The following KDM4A variants were observed in gnomAD, a reference collection of about 807,000 sequenced individuals.
The protein encoded by KDM4A is lysine-specific demethylase 4A.
Under a neutral mutation model 127.1 loss-of-function variants are expected in KDM4A, and 23 were observed. The observed-to-expected ratio is 0.18, with a 90% confidence interval of 0.13 to 0.26. KDM4A has a LOEUF of 0.26. Ranked by LOEUF, KDM4A falls within the 10% of genes least tolerant of loss-of-function variation. KDM4A has a pLI of 1.00. For synonymous variants in KDM4A, 443 were observed against 466.5 expected, an observed-to-expected ratio of 0.95 and a Z score of 0.65; for missense variants, 890 against 1,329.1, an observed-to-expected ratio of 0.67 and a Z score of 5.14.
intron 11 of KDM4A, 140 bp from the exon 12 acceptor site, chr1:43,683,544 G>A (rs1037929249): frequency 4.0e-6 from 4 of 990,716 alleles, no homozygotes; most frequent in Non-Finnish European, 2.9e-6. Flanking sequence ...CTTTTTCTAA[G>A]ATAGGTATTT....
At chr1:43,662,341 G>A (rs1399012298) in intron 4 of KDM4A, among the ~76,000 whole-genome samples, 3 of 152,088 alleles carry the variant, frequency 2.0e-5, no homozygotes, top group South Asian at 2.1e-4. Context: ...CGGGCGCGGT[G>A]GCTCAGGCCT....
At chr1:43,673,462 T>C (rs1660672219) in intron 11 of KDM4A, among the ~76,000 whole-genome samples, 1 of 152,210 alleles carries the variant, frequency 6.6e-6, no homozygotes, top group Non-Finnish European at 1.5e-5. Flanking sequence ...CTCAGTCATA[T>C]TCACATTTCC....
chr1:43,662,249 GT>G (rs1660399998), intron 4 of KDM4A, among the ~76,000 whole-genome samples: 3 of 150,560 alleles, frequency 2.0e-5, no homozygotes, highest in Non-Finnish European at 4.4e-5. Context: ...TGGTCATAGA[GT>G]TTTTTTTCTA....
At chr1:43,692,370 C>T in intron 16 of KDM4A, 59 bp downstream of exon 16, 1 of 1,420,964 alleles carries the variant, frequency 7.0e-7, no homozygotes, top group Non-Finnish European at 9.9e-7. Flanking sequence ...CACACAGTGT[C>T]TTTGTGAGGG....
At position 43,679,931 on chromosome 1, in the gene KDM4A, G is replaced by T. The variant is rs190566148; in HGVS notation, c.1735-3753G>T. Among the ~76,000 whole-genome samples the T allele has an allele frequency of 3.0e-4, 46 of 152,208 alleles. 1 individual carries two copies. In the East Asian group the frequency reaches 7.3e-3, roughly 24 times the overall value. On this transcript the variant is annotated intron_variant, in intron 11 of 21. Coordinates refer to ENST00000372396, the MANE Select transcript of KDM4A (RefSeq NM_014663.3). ...GGGAGTCTGCCTGCTATCCCGCCCT[G>T]TCTGCAAAAAGAGCCCTCTGGGGAA... is the stretch of plus-strand genomic sequence containing the variant.
At chr1:43,667,613 G>A (rs917888758) in intron 8 of KDM4A, among the ~76,000 whole-genome samples, 159 bp from the exon 9 acceptor site, 2 of 152,202 alleles carry the variant, frequency 1.3e-5, no homozygotes, top group South Asian at 4.1e-4. Flanking sequence ...ATGTTTGAAG[G>A]TCCTGCAAGG....
rs778657868 is a variant in KDM4A, at chr1:43,703,981, A to T, written c.2962-39A>T. Reference sequence around the variant, plus strand: ...TGCATGGTGGACCAGGGAAAGAGTCAGGGATATCCTAGCCAAAAGGCCTTT... The same window carrying T: ...TGCATGGTGGACCAGGGAAAGAGTCTGGGATATCCTAGCCAAAAGGCCTTT... On this transcript the variant is annotated intron_variant, in intron 20 of 21. Coordinates refer to ENST00000372396, the MANE Select transcript of KDM4A (RefSeq NM_014663.3). 42 of 1,557,374 alleles carry T rather than the reference A, an allele frequency of 2.7e-5. No individual in the cohort carries two copies. The African/African-American group carries it at 4.5e-4, about 17-fold the overall frequency.
In KDM4A at chr1:43,694,180, C is replaced by G; in HGVS notation, c.2484+78C>G. 8.5e-7 allele frequency: 1 copy of G among 1,177,754 alleles called. No individual in the cohort carries two copies. Among genetic ancestry groups the G allele is most frequent in the Middle Eastern group, 1.9e-4 (1 of 5,170 alleles). 73.0% of individuals were successfully genotyped at this position (1,177,754 alleles called of 1,614,324 possible). A position where few individuals can be genotyped will look rare whatever the true frequency, so the allele number is the denominator to read the frequency against. The stretch of plus-strand genomic sequence containing the variant: ...AAGAGAACAGGGACCTCCTGTACCC[C>G]TTGGTTTTGGTTAGAGTTTGTGATT... On this transcript the variant is annotated intron_variant, in intron 17 of 21. Transcript: ENST00000372396. This position sits in a 1 kb window ranked among gnomAD's most constrained non-coding sequence, Gnocchi z 5.2.
chr1:43,652,980 G>A (rs753123026), intron 1 of KDM4A, among the ~76,000 whole-genome samples, 157 bp from the exon 2 acceptor site: 5 of 152,162 alleles, frequency 3.3e-5, no homozygotes, highest in African/African-American at 7.2e-5. Context: ...CACCGTGCCC[G>A]GCCCCTAAAT....
intron 3 of KDM4A, among the ~76,000 whole-genome samples, chr1:43,657,960 G>C (rs1034614235): frequency 6.6e-6 from 1 of 151,472 alleles, no homozygotes; most frequent in African/African-American, 2.4e-5. Flanking sequence ...GGCCAGGCTG[G>C]TCTCGCTTTT....
chr1:43,652,294 T>A (rs1402874030), intron 1 of KDM4A, among the ~76,000 whole-genome samples: 1 of 152,226 alleles, frequency 6.6e-6, no homozygotes, highest in Non-Finnish European at 1.5e-5. Flanking sequence ...ATATGGGCAT[T>A]TTAGCTGTAC....
chr1:43,656,401 G>C (rs1192245604), intron 3 of KDM4A, among the ~76,000 whole-genome samples: 1 of 129,766 alleles, frequency 7.7e-6, no homozygotes, highest in Non-Finnish European at 1.6e-5. Context: ...GCAGTGGAGT[G>C]ATCTTGGCTC....
intron 21 of KDM4A, 42 bp from the exon 22 acceptor site, chr1:43,704,188 T>A (rs199742047): frequency 8.7e-6 from 14 of 1,613,928 alleles, no homozygotes; most frequent in Non-Finnish European, 1.0e-5. Context: ...CTTTGTATTG[T>A]TCCTGGGGTA....
chr1:43,681,742 A>G (rs542674527), intron 11 of KDM4A, among the ~76,000 whole-genome samples: 1 of 152,254 alleles, frequency 6.6e-6, no homozygotes, highest in Admixed American at 6.5e-5. Context: ...CAAGAATATT[A>G]TTGGGGTATA....
chr1:43,694,254 C>G lies in KDM4A; in HGVS notation c.2484+152C>G, dbSNP rs1228647204. 1 of 662,638 alleles carries G rather than the reference C, an allele frequency of 1.5e-6. No individual in the cohort carries two copies. The highest frequency in any genetic ancestry group is 2.6e-6 in the Non-Finnish European group (1 of 386,704). 41.0% of individuals were successfully genotyped at this position (662,638 alleles called of 1,614,324 possible). ...AGTGGAGGCCAGGTGTGGTGGCTCA[C>G]ACCTGTAATCCCAGCCCTTTGTGGG... On this transcript the variant is annotated intron_variant, in intron 17 of 21. Coordinates refer to ENST00000372396, the MANE Select transcript of KDM4A (RefSeq NM_014663.3). This position sits in a 1 kb window ranked among gnomAD's most constrained non-coding sequence, Gnocchi z 5.2.
intron 11 of KDM4A, among the ~76,000 whole-genome samples, chr1:43,678,802 G>T (rs1660796523): frequency 6.6e-6 from 1 of 152,082 alleles, no homozygotes; most frequent in Non-Finnish European, 1.5e-5. Context: ...GCCTAGGCTG[G>T]TCTCAAACTC....
chr1:43,704,165 C>T, intron 21 of KDM4A, 53 bp downstream of exon 21: 1 of 1,613,184 alleles, frequency 6.2e-7, no homozygotes, highest in East Asian at 2.2e-5. Flanking sequence ...GGGAACAAGT[C>T]AAGGATGCAT....
At position 43,690,736 on chromosome 1, in the gene KDM4A, A is replaced by G. The variant is rs41270381; in HGVS notation, c.2038-109A>G. The G allele has an allele frequency of 3.9e-3, 3,873 of 999,482 alleles. 18 individuals are homozygous for G. The highest frequency in any genetic ancestry group is 5.3e-3 in the Non-Finnish European group (3,287 of 623,622). The allele number at this position is 999,482 out of a possible 1,614,324, so 61.9% of individuals were successfully genotyped here. On this transcript the variant is annotated intron_variant, in intron 13 of 21. Coordinates refer to ENST00000372396, the MANE Select transcript of KDM4A (RefSeq NM_014663.3). ...TAATGGCTGTGCACCCGGGAGCTGT[A>G]GCCATAGTCAGATCGGTAAGAGAGC...
rs1281992384 is a variant in KDM4A at position 43,694,116 on chromosome 1, G to A, written c.2484+14G>A. On this transcript the variant is annotated intron_variant, in intron 17 of 21. Coordinates refer to ENST00000372396, the MANE Select transcript of KDM4A (RefSeq NM_014663.3). This position sits in a 1 kb window ranked among gnomAD's most constrained non-coding sequence, Gnocchi z 5.2. ...CGCTTCAAACTGGTAAGGGCTTGTA[G>A]ACTCTACATAATTTCCCGACTTACA... is the stretch of plus-strand genomic sequence containing the variant. 6.3e-7 allele frequency: 1 copy of A among 1,594,420 alleles called. No individual in the cohort carries two copies. The highest frequency in any genetic ancestry group is 1.7e-5 in the Admixed American group (1 of 59,802).
Sources: allele counts gnomAD v4.1 joint callset (sites outside exome capture counted in the v4.1 genomes callset), GRCh38; gene constraint gnomAD v4.1.1; non-coding constraint Gnocchi (gnomAD v3.1); transcripts MANE v1.5; gene names NCBI Gene and HGNC (gene_info 2026-07-23, HGNC 2026-07-21).